ESRP1: variants seen among roughly 807,000 people sequenced by gnomAD.
ESRP1 encodes the protein epithelial splicing regulatory protein 1.
ESRP1 carries 33 observed loss-of-function variants against 81.7 expected under a neutral mutation model. The observed-to-expected ratio is 0.40, with a 90% CI of 0.31 to 0.54. ESRP1 has a LOEUF of 0.54. Among genes scored for constraint, ESRP1 ranks in the 20% least tolerant of loss-of-function variants. ESRP1 has a pLI of 0.41. For synonymous variants in ESRP1, 320 were observed against 303.3 expected, an observed-to-expected ratio of 1.06 and a Z score of -0.57; for missense variants, 672 against 833.1, an observed-to-expected ratio of 0.81 and a Z score of 2.38.
At chr8:94,701,089 G>A (rs143585221) in intron 15 of ESRP1, among the ~76,000 whole-genome samples, 3,067 of 151,156 alleles carry the variant, frequency 0.02, 98 homozygotes, top group African/African-American at 0.069. Flanking sequence ...TCTGGCCAAC[G>A]TGGCGAAACC....
At chr8:94,650,770 G>T (rs548780877) in intron 4 of ESRP1, among the ~76,000 whole-genome samples, 27 of 149,946 alleles carry the variant, frequency 1.8e-4, no homozygotes, top group Non-Finnish European at 3.4e-4. Context: ...TGGAGTGCAG[G>T]GGCGCGATCT....
At position 94,671,619 on chromosome 8, in the gene ESRP1, A is replaced by T. The variant is rs1819331519; in HGVS notation, c.1400A>T (p.Glu467Val). The T allele has an allele frequency of 1.2e-6, 2 of 1,613,766 alleles. No individual in the cohort carries two copies. Among genetic ancestry groups the T allele is most frequent in the Non-Finnish European group, 1.7e-6 (2 of 1,179,850 alleles). The change falls in exon 11 of 16, where the codon GAG becomes GTG. Residue 467 changes from glutamate (E) to valine (V), a missense_variant. Glu to Val is a moderately radical substitution (Grantham distance 121). Transcript: ENST00000433389. ...TIEDILDFLG[E>V]FATDIRTHGV... is the part of the protein sequence containing the mutation. ...GAGGACATCCTGGATTTCCTGGGGG[A>T]GTTCGCCACAGATATTCGTACTCAT...
Position 94,678,384 on chromosome 8 carries a change from C to G in ESRP1, c.1820+13C>G. 1 of 1,606,418 alleles carries G rather than the reference C, an allele frequency of 6.2e-7. No individual in the cohort carries two copies. ...CGTACTATCCCAGGTAAGGCTCTGA[C>G]AGAGGTGGAAATGAGGGGCAGAAAC... On this transcript the variant is annotated intron_variant, in intron 13 of 15. Transcript: ENST00000433389.
intron 14 of ESRP1, among the ~76,000 whole-genome samples, chr8:94,696,113 G>A (rs1809596433): frequency 6.6e-6 from 1 of 152,096 alleles, no homozygotes; most frequent in African/African-American, 2.4e-5. Flanking sequence ...CTTCATCTGG[G>A]GTGGAGGTAA....
intron 14 of ESRP1, among the ~76,000 whole-genome samples, 188 bp from the exon 15 acceptor site, chr8:94,696,664 T>A (rs889763145): frequency 6.6e-6 from 1 of 152,212 alleles, no homozygotes; most frequent in Admixed American, 6.5e-5. Context: ...GAAGGGACTT[T>A]TATGGTATTT....
chr8:94,703,380 G>A (rs1473062734), intron 15 of ESRP1, among the ~76,000 whole-genome samples: 2 of 151,800 alleles, frequency 1.3e-5, no homozygotes, highest in African/African-American at 4.8e-5. Context: ...TCTCCATCTC[G>A]ACCTCATGAT....
rs1817619491 is a variant in ESRP1 at position 94,641,937 on chromosome 8, T to C, written c.133-19T>C. The C allele has an allele frequency of 1.2e-6, 2 of 1,613,126 alleles. No individual in the cohort carries two copies. The highest frequency in any genetic ancestry group is 1.7e-6 in the Non-Finnish European group (2 of 1,179,324). On this transcript the variant is annotated intron_variant, in intron 1 of 15. Coordinates refer to ENST00000433389, the MANE Select transcript of ESRP1 (RefSeq NM_017697.4). ...TCCGAAATTGGGGGAAACTGACCCGTGCTTCTCTACCTTCGGAGGTGGGAC... is the reference window on the plus strand; with the variant it reads ...TCCGAAATTGGGGGAAACTGACCCGCGCTTCTCTACCTTCGGAGGTGGGAC...
chr8:94,649,429 A>G (rs1818003459), intron 4 of ESRP1: 1 of 63,602 alleles, frequency 1.6e-5, no homozygotes. Flanking sequence ...AGACTCCTGA[A>G]CTCAAGCAAT....
intron 13 of ESRP1, among the ~76,000 whole-genome samples, chr8:94,681,309 G>T (rs1269113716): frequency 1.0e-5 from 1 of 98,592 alleles, no homozygotes; most frequent in African/African-American, 4.0e-5. Flanking sequence ...CTGGGTGACA[G>T]AGCAAGACTC....
chr8:94,651,987 C>CTTTTTTTTTTTT (rs35903773), intron 4 of ESRP1, among the ~76,000 whole-genome samples: 5 of 65,212 alleles, frequency 7.7e-5, no homozygotes, highest in African/African-American at 2.1e-4. Context: ...TCTAAAACGC[C>CTTTTTTTTTTTT]TTTTTTTTTT....
intron 15 of ESRP1, among the ~76,000 whole-genome samples, chr8:94,701,960 C>T (rs1809858278): frequency 6.6e-6 from 1 of 152,070 alleles, no homozygotes; most frequent in Non-Finnish European, 1.5e-5. Context: ...TGCCTGTAGT[C>T]CAAGTTACTC....
chr8:94,650,424 A>G (rs965974607), intron 4 of ESRP1, among the ~76,000 whole-genome samples: 4 of 152,306 alleles, frequency 2.6e-5, no homozygotes, highest in Non-Finnish European at 4.4e-5. Flanking sequence ...CCAGGAGGTC[A>G]TATAGTTGGA....
At chr8:94,679,081 A>G (rs1426071887) in intron 13 of ESRP1, among the ~76,000 whole-genome samples, 1 of 152,238 alleles carries the variant, frequency 6.6e-6, no homozygotes, top group African/African-American at 2.4e-5. Context: ...GTCTGATCCT[A>G]CAGCTATGTT....
intron 13 of ESRP1, among the ~76,000 whole-genome samples, chr8:94,686,491 C>T (rs954884767): frequency 8.5e-5 from 13 of 152,178 alleles, no homozygotes; most frequent in African/African-American, 3.1e-4. Flanking sequence ...CACATCCCTT[C>T]AGCTCTTTGT....
intron 13 of ESRP1, among the ~76,000 whole-genome samples, chr8:94,691,185 T>A (rs1358086322): frequency 6.6e-6 from 1 of 152,186 alleles, no homozygotes; most frequent in East Asian, 1.9e-4. Flanking sequence ...TAAAATATAT[T>A]TATATCAATG....
intron 13 of ESRP1, among the ~76,000 whole-genome samples, chr8:94,689,811 CTTTTTTTTTTTTTT>C (rs58359551): frequency 1.5e-5 from 1 of 64,680 alleles, no homozygotes; most frequent in Non-Finnish European, 3.0e-5. Flanking sequence ...TGATGCCTGG[CTTTTTTTTTTTTTT>C]TTTTTTTTTT....
At chr8:94,653,958 C>T (rs1453258299) in intron 4 of ESRP1, among the ~76,000 whole-genome samples, 1 of 152,210 alleles carries the variant, frequency 6.6e-6, no homozygotes, top group South Asian at 2.1e-4. Context: ...AGTGAAGTGA[C>T]TAGAAATACT....
chr8:94,657,472 C>CGTGTGT (rs9297944), intron 4 of ESRP1, among the ~76,000 whole-genome samples: 42,191 of 146,056 alleles, frequency 0.29, 7,038 homozygotes, highest in East Asian at 0.57. Context: ...AGGCTGTGTG[C>CGTGTGT]GTGTGTGTGT....
intron 4 of ESRP1, among the ~76,000 whole-genome samples, chr8:94,657,472 C>CGTGTGTGTGT (rs9297944): frequency 0.039 from 5,639 of 146,230 alleles, 228 homozygotes; most frequent in African/African-American, 0.098. Flanking sequence ...AGGCTGTGTG[C>CGTGTGTGTGT]GTGTGTGTGT....
Sources: gnomAD v4.1 joint callset for allele counts (sites outside exome capture counted in the v4.1 genomes callset) on GRCh38, gnomAD v4.1.1 for gene constraint, MANE v1.5 for transcripts, NCBI Gene and HGNC (gene_info 2026-07-23, HGNC 2026-07-21) for gene names.